APLN: variants seen among roughly 807,000 people sequenced by gnomAD.
APLN encodes the protein apelin.
In APLN, 2 loss-of-function variants were observed where a neutral mutation model predicts 4.3. That is an observed-to-expected ratio of 0.46 (90% CI 0.19 to 1.45). The LOEUF is 1.45. APLN is among the 40% of genes most tolerant of loss of function. The pLI, the probability that APLN is intolerant of heterozygous loss-of-function variation, is 0.25. For missense variants in APLN, 80 were observed against 70.0 expected (o/e 1.14, Z -0.51); for synonymous variants, 34 against 30.4 (o/e 1.12, Z -0.38).
At chrX:129,654,422 C>A (rs934069996) in intron 1 of APLN, 142 bp downstream of exon 1, 15 of 462,151 alleles carry the variant, frequency 3.2e-5, no homozygotes, top group Non-Finnish European at 4.5e-5. Context: ...CTCTGTCAAT[C>A]TGCTGCCTGG....
intron 1 of APLN, among the ~76,000 whole-genome samples, chrX:129,651,260 G>A (rs757615837): frequency 8.1e-5 from 9 of 110,523 alleles, no homozygotes; most frequent in East Asian, 2.9e-4. Context: ...CTCCCATTGC[G>A]TTGGGGACTC....
intron 2 of APLN, 37 bp downstream of exon 2, chrX:129,648,584 C>T (rs768301696): frequency 2.5e-5 from 29 of 1,179,298 alleles, no homozygotes; most frequent in Admixed American, 5.0e-5. Context: ...CTTCTCCCTC[C>T]GCTTTAGCAC....
rs1936959097 is a variant in APLN, at chrX:129,648,810, C to T, written c.68-18G>A. ...CAGGGACCCTGCAGGAAGGAGAAAGCCTGTTAGTGAGGAAGGTTGTTGGAA... is the reference window on the plus strand; with the variant it reads ...CAGGGACCCTGCAGGAAGGAGAAAGTCTGTTAGTGAGGAAGGTTGTTGGAA... On this transcript the variant is annotated intron_variant, in intron 1 of 2. Coordinates refer to ENST00000429967, the MANE Select transcript of APLN (RefSeq NM_017413.5). The T allele has an allele frequency of 8.7e-7, 1 of 1,144,044 alleles. No individual in the cohort carries two copies. The highest frequency in any genetic ancestry group is 1.8e-5 in the African/African-American group (1 of 55,771). The allele number at this position is 1,144,044 out of a possible 1,213,427, so 94.3% of individuals were successfully genotyped here.
rs147311480 is a variant in APLN at position 129,647,679 on chromosome X, G to T, written c.*244C>A. On this transcript the variant is annotated 3_prime_UTR_variant, in exon 3 of 3. Transcript: ENST00000429967. The stretch of plus-strand genomic sequence containing the variant: ...TTCTGGGGCTAGGTCTCCAAAGTCA[G>T]TCCAGGGAGGGGCCAGGAAGATGGA... The T allele has an allele frequency of 1.8e-3, 1,747 of 981,017 alleles. 22 individuals carry two copies. In the African/African-American group the frequency reaches 0.033, roughly 18 times the overall value. The allele number at this position is 981,017 out of a possible 1,213,427, so 80.8% of individuals were successfully genotyped here. A position where few individuals can be genotyped will look rare whatever the true frequency, so the allele number is the denominator to read the frequency against.
Position 129,646,733 on chromosome X carries a change from G to A in APLN, c.*1190C>T, listed in dbSNP as rs1244729853. ...CCCTATTAGAGTACCCTGGGTCTGG[G>A]AATGCTGCCAGTTATGGGGGCAGCT... On this transcript the variant is annotated 3_prime_UTR_variant, in exon 3 of 3. Transcript: ENST00000429967. The A allele has an allele frequency of 8.9e-6, 1 of 112,044 alleles. No homozygotes were observed. The highest frequency in any genetic ancestry group is 1.9e-5 in the Non-Finnish European group (1 of 53,092). 9.2% of individuals were successfully genotyped at this position (112,044 alleles called of 1,213,427 possible).
intron 1 of APLN, among the ~76,000 whole-genome samples, chrX:129,653,505 C>A (rs769107115): frequency 1.8e-5 from 2 of 112,690 alleles, no homozygotes; most frequent in Non-Finnish European, 3.8e-5. Context: ...CTTGGCCTTC[C>A]CCTTGTGTGG....
In APLN at chrX:129,648,972, G is replaced by A. The variant is rs188256534; in HGVS notation, c.68-180C>T. Among the ~76,000 whole-genome samples, 361 of 112,400 alleles carry A rather than the reference G, an allele frequency of 3.2e-3. 3 individuals are homozygous for A. Among genetic ancestry groups the A allele is most frequent in the African/African-American group, 0.011 (347 of 30,992 alleles). ...ATTTCTGCACTGTCCTGGGACAAAC[G>A]GAACCTACTACTCACATCTTGCCAT... On this transcript the variant is annotated intron_variant, in intron 1 of 2. Transcript: ENST00000429967.
intron 1 of APLN, among the ~76,000 whole-genome samples, chrX:129,653,683 T>C (rs1285957862): frequency 8.9e-6 from 1 of 112,382 alleles, no homozygotes; most frequent in Non-Finnish European, 1.9e-5. Context: ...GTGCCAAGTA[T>C]TGGCAGGTGA....
chrX:129,653,875 G>GAA (rs1936992318), intron 1 of APLN, among the ~76,000 whole-genome samples: 1 of 111,704 alleles, frequency 9.0e-6, no homozygotes, highest in Admixed American at 9.3e-5. Context: ...GAGGCTATGG[G>GAA]GAGGGCATCC....
In APLN at chrX:129,647,299, G is replaced by A. The variant is rs1357930463; in HGVS notation, c.*624C>T. ...CAAGAGAAGTGACAAAGGACTTCACGGGCCCCTCTCTACCTCTCCCTTAAC... is the reference window on the plus strand; with the variant it reads ...CAAGAGAAGTGACAAAGGACTTCACAGGCCCCTCTCTACCTCTCCCTTAAC... On this transcript the variant is annotated 3_prime_UTR_variant, in exon 3 of 3. Transcript: ENST00000429967. 3 of 185,787 alleles carry A rather than the reference G, an allele frequency of 1.6e-5. No individual in the cohort carries two copies. Among genetic ancestry groups the A allele is most frequent in the Non-Finnish European group, 2.0e-5 (2 of 97,574 alleles). The allele number at this position is 185,787 out of a possible 1,213,427, so 15.3% of individuals were successfully genotyped here.
At chrX:129,652,861 G>T in intron 1 of APLN, among the ~76,000 whole-genome samples, 1 of 111,126 alleles carries the variant, frequency 9.0e-6, no homozygotes, top group Non-Finnish European at 1.9e-5. Context: ...CAGCCTCTGG[G>T]GGGAGCACCA....
intron 1 of APLN, 58 bp from the exon 2 acceptor site, chrX:129,648,850 CA>C: frequency 2.9e-6 from 3 of 1,048,644 alleles, no homozygotes; most frequent in African/African-American, 1.9e-5. Context: ...GCAGGGGCTG[CA>C]GACCACAGGC....
chrX:129,647,742 A>T lies in APLN; in HGVS notation c.*181T>A. ...TTGTGAGAGAACGGGAATCATCCAA[A>T]CTACAGCCAGGAGCACGCCACTGGG... On this transcript the variant is annotated 3_prime_UTR_variant, in exon 3 of 3. Coordinates refer to ENST00000429967, the MANE Select transcript of APLN (RefSeq NM_017413.5). 3 of 982,867 alleles carry T rather than the reference A, an allele frequency of 3.1e-6. No individual in the cohort carries two copies. Among genetic ancestry groups the T allele is most frequent in the Non-Finnish European group, 4.0e-6 (3 of 756,080 alleles). 81.0% of individuals were successfully genotyped at this position (982,867 alleles called of 1,213,427 possible). A position where few individuals can be genotyped will look rare whatever the true frequency, so the allele number is the denominator to read the frequency against.
chrX:129,650,554 T>A (rs888490597), intron 1 of APLN, among the ~76,000 whole-genome samples: 1 of 112,133 alleles, frequency 8.9e-6, no homozygotes, highest in South Asian at 3.7e-4. Flanking sequence ...AGGACCCCGC[T>A]GTTGACTTGG....
Position 129,654,645 on chromosome X carries a change from C to T in APLN, c.-15G>A. Reference sequence around the variant, plus strand: ...CGCAGATTCATGCTGCTCCTTGGGCCGCCGCGGCCCCGGCGAGCCGGCGCG... The same window carrying T: ...CGCAGATTCATGCTGCTCCTTGGGCTGCCGCGGCCCCGGCGAGCCGGCGCG... On this transcript the variant is annotated 5_prime_UTR_variant, in exon 1 of 3. Transcript: ENST00000429967. 3.6e-6 allele frequency: 4 copies of T among 1,098,880 alleles called. No individual in the cohort carries two copies. In the African/African-American group the frequency reaches 5.7e-5, roughly 16 times the overall value. 90.6% of individuals were successfully genotyped at this position (1,098,880 alleles called of 1,213,427 possible). A position where few individuals can be genotyped will look rare whatever the true frequency, so the allele number is the denominator to read the frequency against.
rs1022631552 is a variant in APLN, at chrX:129,654,709, G to A, written c.-79C>T. Reference sequence around the variant, plus strand: ...CGGGCGCCCGGAGGCCAAGAAAGGCGCGAGCCGCGGCTGGCGCGTGCGGGC... The same window carrying A: ...CGGGCGCCCGGAGGCCAAGAAAGGCACGAGCCGCGGCTGGCGCGTGCGGGC... On this transcript the variant is annotated 5_prime_UTR_variant, in exon 1 of 3. Coordinates refer to ENST00000429967, the MANE Select transcript of APLN (RefSeq NM_017413.5). 85 of 793,770 alleles carry A rather than the reference G, an allele frequency of 1.1e-4. No homozygotes were observed. In the African/African-American group the frequency reaches 1.4e-3, roughly 13 times the overall value. The allele number at this position is 793,770 out of a possible 1,213,427, so 65.4% of individuals were successfully genotyped here.
At chrX:129,654,441 G>T (rs1203244936) in intron 1 of APLN, 123 bp downstream of exon 1, 1 of 568,136 alleles carries the variant, frequency 1.8e-6, no homozygotes, top group East Asian at 4.6e-5. Context: ...GGCGCTGGCC[G>T]GCGCGTGGCT....
intron 1 of APLN, 25 bp from the exon 2 acceptor site, chrX:129,648,817 G>T (rs746824550): frequency 4.5e-5 from 51 of 1,140,800 alleles, no homozygotes; most frequent in African/African-American, 3.3e-4. Context: ...AAGCCTGTTA[G>T]TGAGGAAGGT....
At chrX:129,648,874 T>C in intron 1 of APLN, 82 bp from the exon 2 acceptor site, 1 of 909,920 alleles carries the variant, frequency 1.1e-6, no homozygotes. Flanking sequence ...GCGGGAGGGG[T>C]GGTCTGTCCA....
Sources: allele counts gnomAD v4.1 joint callset (sites outside exome capture counted in the v4.1 genomes callset), GRCh38; gene constraint gnomAD v4.1.1; transcripts MANE v1.5; gene names NCBI Gene and HGNC (gene_info 2026-07-23, HGNC 2026-07-21).